The following SLC24A2 variants were observed in gnomAD, a reference collection of about 807,000 sequenced individuals.
The protein encoded by SLC24A2 is sodium/potassium/calcium exchanger 2.
In SLC24A2, 36 loss-of-function variants were observed where a neutral mutation model predicts 62.0. The observed-to-expected ratio is 0.58, with a 90% CI of 0.44 to 0.77. SLC24A2 has a LOEUF of 0.77. SLC24A2 is among the 30% of genes least tolerant of loss of function. SLC24A2 has a pLI of 0.00. For synonymous variants in SLC24A2, 358 were observed against 294.0 expected (o/e 1.22, Z -2.23); for missense variants, 846 against 817.9 (o/e 1.03, Z -0.42).
At chr9:19,938,696 T>C in the SLC24A2 span, among the ~76,000 whole-genome samples, 9 of 152,176 alleles carry the variant, frequency 5.9e-5, no homozygotes, top group African/African-American at 1.9e-4. Context: ...GATTCTTTAA[T>C]TGCTCCATGG....
intron 5 of SLC24A2, among the ~76,000 whole-genome samples, chr9:19,590,142 A>G (rs1836506469): frequency 1.6e-5 from 2 of 127,632 alleles, no homozygotes; most frequent in Non-Finnish European, 1.6e-5. Context: ...CATGGGACCA[A>G]TTTGAAGAAA....
At chr9:20,019,165 GACAGAA>G in the SLC24A2 span, among the ~76,000 whole-genome samples, 1 of 132,832 alleles carries the variant, frequency 7.5e-6, no homozygotes. Flanking sequence ...AAGAGAGAGA[GACAGAA>G]AGAAAGAAAG....
the SLC24A2 span, among the ~76,000 whole-genome samples, chr9:20,076,291 G>C: frequency 5.9e-5 from 9 of 152,238 alleles, no homozygotes; most frequent in East Asian, 5.8e-4. Context: ...AAACTAGAGA[G>C]AGCTACCTAG....
chr9:19,890,849 C>T, the SLC24A2 span, among the ~76,000 whole-genome samples: 1 of 152,110 alleles, frequency 6.6e-6, no homozygotes, highest in Non-Finnish European at 1.5e-5. Flanking sequence ...ACATCTGTGG[C>T]TCCTCCAGTA....
At chr9:20,230,930 C>A in the SLC24A2 span, among the ~76,000 whole-genome samples, 1 of 152,184 alleles carries the variant, frequency 6.6e-6, no homozygotes, top group Admixed American at 6.5e-5. Context: ...AGGAAGTGAT[C>A]CAGTCTCAGC....
At chr9:20,095,973 A>G in the SLC24A2 span, among the ~76,000 whole-genome samples, 66 of 152,222 alleles carry the variant, frequency 4.3e-4, no homozygotes, top group East Asian at 8.9e-3. Context: ...CCATGATTCA[A>G]TTATTTCCCA....
At chr9:19,690,921 GAGAGAGAGAGAGAGAC>G (rs767979343) in intron 2 of SLC24A2, among the ~76,000 whole-genome samples, 15 of 62,724 alleles carry the variant, frequency 2.4e-4, no homozygotes, top group East Asian at 2.7e-3. Context: ...GTGCGTGTGA[GAGAGAGAGAGAGAGAC>G]AGAGAGAGAG....
the SLC24A2 span, among the ~76,000 whole-genome samples, chr9:20,184,109 C>T: frequency 2.0e-5 from 3 of 152,122 alleles, no homozygotes; most frequent in Non-Finnish European, 4.4e-5. Context: ...GGGCAAAGAA[C>T]CTGAATAGAC....
At chr9:19,558,435 G>A (rs1320361114) in intron 7 of SLC24A2, among the ~76,000 whole-genome samples, 1 of 152,170 alleles carries the variant, frequency 6.6e-6, no homozygotes, top group South Asian at 2.1e-4. Context: ...CTGATGTAGG[G>A]AGGAGGTGGC....
chr9:19,832,732 C>T, the SLC24A2 span, among the ~76,000 whole-genome samples: 2 of 152,084 alleles, frequency 1.3e-5, no homozygotes, highest in African/African-American at 4.8e-5. Context: ...AAAGCCAAAA[C>T]TGACAAATGG....
the SLC24A2 span, among the ~76,000 whole-genome samples, chr9:19,937,736 C>G: frequency 1.3e-5 from 2 of 152,250 alleles, no homozygotes; most frequent in South Asian, 4.1e-4. Context: ...CTATTATGAA[C>G]ACAACTATAT....
At chr9:20,018,738 GTATTAT>G in the SLC24A2 span, among the ~76,000 whole-genome samples, 1 of 151,858 alleles carries the variant, frequency 6.6e-6, no homozygotes. Flanking sequence ...ATTGAGGTAG[GTATTAT>G]TATTATTACT....
At chr9:20,193,480 C>T in the SLC24A2 span, among the ~76,000 whole-genome samples, 2 of 151,746 alleles carry the variant, frequency 1.3e-5, no homozygotes, top group Admixed American at 1.3e-4. Flanking sequence ...GGAAGACTTT[C>T]CCTTAAATAG....
At chr9:20,065,237 G>A in the SLC24A2 span, among the ~76,000 whole-genome samples, 56 of 152,328 alleles carry the variant, frequency 3.7e-4, no homozygotes, top group African/African-American at 8.7e-4. Context: ...TCCTCTCTGC[G>A]TAAGAGTGGG....
chr9:20,185,444 T>C, the SLC24A2 span, among the ~76,000 whole-genome samples: 1 of 151,806 alleles, frequency 6.6e-6, no homozygotes, highest in South Asian at 2.1e-4. Context: ...GGTGGGCGGA[T>C]CAAGAGGTCA....
intron 2 of SLC24A2, among the ~76,000 whole-genome samples, chr9:19,723,242 A>T (rs1821079513): frequency 6.6e-6 from 1 of 152,176 alleles, no homozygotes; most frequent in Non-Finnish European, 1.5e-5. Flanking sequence ...CAATTATTTT[A>T]GGTAGTGCTT....
chr9:20,168,250 A>G, the SLC24A2 span, among the ~76,000 whole-genome samples: 11 of 152,166 alleles, frequency 7.2e-5, no homozygotes, highest in Middle Eastern at 3.4e-3. Flanking sequence ...GATAAAGAGT[A>G]TAATTGGACA....
At chr9:19,552,271 C>A (rs1405475868) in intron 7 of SLC24A2, among the ~76,000 whole-genome samples, 4 of 152,168 alleles carry the variant, frequency 2.6e-5, no homozygotes, top group Admixed American at 2.6e-4. Flanking sequence ...GAATATCATT[C>A]CCTATTGGGC....
At chr9:19,947,242 T>C in the SLC24A2 span, among the ~76,000 whole-genome samples, 709 of 152,242 alleles carry the variant, frequency 4.7e-3, 9 homozygotes, top group African/African-American at 0.016. Flanking sequence ...GCCCATTCAA[T>C]AGCTACAACC....
Sources: gnomAD v4.1 joint callset for allele counts (sites outside exome capture counted in the v4.1 genomes callset) on GRCh38, gnomAD v4.1.1 for gene constraint, MANE v1.5 for transcripts, NCBI Gene and HGNC (gene_info 2026-07-23, HGNC 2026-07-21) for gene names.